Variants in IPMK observed in about 807,000 individuals in gnomAD.
The protein encoded by IPMK is inositol polyphosphate multikinase.
A neutral mutation model predicts 45.8 loss-of-function variants in IPMK; 17 were observed. The ratio of observed to expected loss-of-function variants is 0.37; its 90% CI spans 0.25 to 0.56. The LOEUF is 0.56. Among genes scored for constraint, IPMK ranks in the 20% least tolerant of loss-of-function variants. IPMK has a pLI of 0.79. For synonymous variants in IPMK, 180 were observed against 184.3 expected (o/e 0.98, Z 0.19); for missense variants, 399 against 498.0 (o/e 0.80, Z 1.89).
chr10:58,220,514 C>G (rs567416760), intron 3 of IPMK, among the ~76,000 whole-genome samples: 1 of 152,224 alleles, frequency 6.6e-6, no homozygotes, highest in South Asian at 2.1e-4. Flanking sequence ...AGCCTGTGAC[C>G]TCAGGAGCAC....
intron 4 of IPMK, among the ~76,000 whole-genome samples, 174 bp downstream of exon 4, chr10:58,215,970 CA>C (rs371466395): frequency 2.2e-4 from 32 of 145,480 alleles, no homozygotes; most frequent in Non-Finnish European, 1.8e-4. Flanking sequence ...TATCAGTGAA[CA>C]AAAAAAAAAA....
At chr10:58,242,996 T>C (rs542472722) in intron 1 of IPMK, among the ~76,000 whole-genome samples, 4 of 152,228 alleles carry the variant, frequency 2.6e-5, no homozygotes, top group East Asian at 1.9e-4. Flanking sequence ...TCCACCATGA[T>C]TGAAAATTTC....
chr10:58,225,444 C>G (rs1232036882), intron 3 of IPMK, among the ~76,000 whole-genome samples: 1 of 151,992 alleles, frequency 6.6e-6, no homozygotes, highest in African/African-American at 2.4e-5. Context: ...TATTGAAGAC[C>G]AAAAAGGTTG....
intron 3 of IPMK, among the ~76,000 whole-genome samples, chr10:58,219,468 G>C (rs757152070): frequency 6.6e-6 from 1 of 152,072 alleles, no homozygotes; most frequent in Non-Finnish European, 1.5e-5. Context: ...AATGCTATTA[G>C]CAAATTCTTT....
intron 1 of IPMK, among the ~76,000 whole-genome samples, chr10:58,259,421 G>C (rs1839022325): frequency 6.6e-6 from 1 of 151,712 alleles, no homozygotes; most frequent in South Asian, 2.1e-4. Flanking sequence ...AACAATAATG[G>C]ATATCTATCC....
intron 1 of IPMK, among the ~76,000 whole-genome samples, chr10:58,265,711 G>A (rs1026290371): frequency 1.3e-5 from 2 of 152,046 alleles, no homozygotes; most frequent in African/African-American, 4.8e-5. Flanking sequence ...TAAAATTAAG[G>A]ACTACTACCT....
chr10:58,236,947 G>T lies in IPMK; in HGVS notation c.276+782C>A, dbSNP rs564602978. On this transcript the variant is annotated intron_variant, in intron 2 of 5. Coordinates refer to ENST00000373935, the MANE Select transcript of IPMK (RefSeq NM_152230.5). Reference sequence around the variant, plus strand: ...TAGCCGGGCTGCGTGGCACACGCCTGTAGTTTCAGCCACTTAGGAGGCACA... The same window carrying T: ...TAGCCGGGCTGCGTGGCACACGCCTTTAGTTTCAGCCACTTAGGAGGCACA... 2.6e-5 allele frequency among the ~76,000 whole-genome samples: 4 copies of T among 152,292 alleles called. No individual in the cohort carries two copies. In the East Asian group the frequency reaches 7.7e-4, roughly 29 times the overall value.
intron 1 of IPMK, among the ~76,000 whole-genome samples, chr10:58,256,795 C>A (rs916763519): frequency 6.6e-6 from 1 of 152,124 alleles, no homozygotes; most frequent in African/African-American, 2.4e-5. Flanking sequence ...TAGATAAGAA[C>A]CTATGTTGAA....
chr10:58,243,783 C>A (rs189253342), intron 1 of IPMK, among the ~76,000 whole-genome samples: 35 of 152,364 alleles, frequency 2.3e-4, no homozygotes, highest in African/African-American at 8.4e-4. Flanking sequence ...CTCTGCCCAC[C>A]CGCCACCCCA....
chr10:58,230,473 A>G (rs1838497301), intron 2 of IPMK, among the ~76,000 whole-genome samples: 1 of 152,166 alleles, frequency 6.6e-6, no homozygotes, highest in Admixed American at 6.5e-5. Flanking sequence ...TCAGGCAGCA[A>G]TATTTGCTGT....
chr10:58,262,667 A>C (rs1419413552), intron 1 of IPMK, among the ~76,000 whole-genome samples: 1 of 152,190 alleles, frequency 6.6e-6, no homozygotes, highest in Non-Finnish European at 1.5e-5. Context: ...AATTCTAAAA[A>C]ATCTGTTATG....
chr10:58,247,204 C>G (rs370418449), intron 1 of IPMK, among the ~76,000 whole-genome samples: 37 of 148,420 alleles, frequency 2.5e-4, no homozygotes, highest in Middle Eastern at 3.4e-3. Context: ...TACACTGTTG[C>G]TGGGACTGTA....
At position 58,227,282 on chromosome 10, in the gene IPMK, T is replaced by A. The variant is rs1838432743; in HGVS notation, c.277-143A>T. The A allele has an allele frequency of 5.1e-6, 3 of 593,830 alleles. No homozygotes were observed. The South Asian group carries it at 6.4e-5, about 13-fold the overall frequency. 36.8% of individuals were successfully genotyped at this position (593,830 alleles called of 1,614,324 possible). A position where few individuals can be genotyped will look rare whatever the true frequency, so the allele number is the denominator to read the frequency against. ...GTAAATTTGGAACAAGCAAAAAATATTACTGTGTGTCTCCAATGAGTAACT... is the reference window on the plus strand; with the variant it reads ...GTAAATTTGGAACAAGCAAAAAATAATACTGTGTGTCTCCAATGAGTAACT... On this transcript the variant is annotated intron_variant, in intron 2 of 5. Coordinates refer to ENST00000373935, the MANE Select transcript of IPMK (RefSeq NM_152230.5).
intron 1 of IPMK, among the ~76,000 whole-genome samples, chr10:58,250,416 T>TTTGTTG (rs57197711): frequency 4.6e-4 from 70 of 151,490 alleles, no homozygotes; most frequent in Non-Finnish European, 7.2e-4. Flanking sequence ...TCCTAGGGTT[T>TTTGTTG]TTGTTGTTGT....
intron 1 of IPMK, among the ~76,000 whole-genome samples, chr10:58,261,439 T>A (rs1463740171): frequency 6.6e-6 from 1 of 151,970 alleles, no homozygotes; most frequent in Non-Finnish European, 1.5e-5. Flanking sequence ...TTCAAATATA[T>A]AATCAAACAA....
intron 1 of IPMK, among the ~76,000 whole-genome samples, chr10:58,254,964 G>A (rs547649890): frequency 3.0e-4 from 45 of 152,332 alleles, no homozygotes; most frequent in African/African-American, 1.0e-3. Flanking sequence ...GAACTACATT[G>A]CTGCTCTACC....
intron 2 of IPMK, among the ~76,000 whole-genome samples, chr10:58,227,443 G>A (rs1838435691): frequency 6.6e-6 from 1 of 152,062 alleles, no homozygotes; most frequent in Non-Finnish European, 1.5e-5. Context: ...AATAAATTCT[G>A]GCCAGAGGAC....
rs1324922719 is a variant in IPMK, at chr10:58,228,907, C to T, written c.277-1768G>A. Among the ~76,000 whole-genome samples, 4 of 152,108 alleles carry T rather than the reference C, an allele frequency of 2.6e-5. No homozygotes were observed. In the South Asian group the frequency reaches 8.3e-4, roughly 32 times the overall value. On this transcript the variant is annotated intron_variant, in intron 2 of 5. Coordinates refer to ENST00000373935, the MANE Select transcript of IPMK (RefSeq NM_152230.5). Reference sequence around the variant, plus strand: ...AGGGAATTCTTCTTAGTTTTGCATGCCTATGAAACAAAAGTGTTAACCCAA... The same window carrying T: ...AGGGAATTCTTCTTAGTTTTGCATGTCTATGAAACAAAAGTGTTAACCCAA...
At chr10:58,212,329 T>C (rs1838177886) in intron 4 of IPMK, among the ~76,000 whole-genome samples, 1 of 152,138 alleles carries the variant, frequency 6.6e-6, no homozygotes, top group African/African-American at 2.4e-5. Context: ...ATCAAATGAG[T>C]TTAAATGCAT....
Sources: allele counts gnomAD v4.1 joint callset (sites outside exome capture counted in the v4.1 genomes callset), GRCh38; gene constraint gnomAD v4.1.1; transcripts MANE v1.5; gene names NCBI Gene and HGNC (gene_info 2026-07-23, HGNC 2026-07-21).